Variants in ZFHX3 observed in about 807,000 individuals in gnomAD.
ZFHX3 encodes the protein zinc finger homeobox 3, also known as zinc finger homeobox protein 3.
Under a neutral mutation model 279.1 loss-of-function variants are expected in ZFHX3, and 42 were observed. The ratio of observed to expected loss-of-function variants is 0.15; its 90% CI spans 0.12 to 0.19. ZFHX3 has a LOEUF of 0.19. Ranked by LOEUF, ZFHX3 falls within the 10% of genes least tolerant of loss-of-function variation. ZFHX3 has a pLI of 1.00. For missense variants in ZFHX3, 4,981 were observed against 4,754.0 expected (o/e 1.05, Z -1.40); for synonymous variants, 2,293 against 1,957.8 (o/e 1.17, Z -4.52).
At chr16:73,808,956 A>G (rs1960356084) in intron 1 of ZFHX3, among the ~76,000 whole-genome samples, 1 of 152,192 alleles carries the variant, frequency 6.6e-6, no homozygotes, top group African/African-American at 2.4e-5. Flanking sequence ...AGCATTGATA[A>G]CAGTTGATTA....
At chr16:73,575,037 G>A (rs1245882785) in intron 2 of ZFHX3, among the ~76,000 whole-genome samples, 2 of 152,122 alleles carry the variant, frequency 1.3e-5, no homozygotes, top group Admixed American at 6.5e-5. Flanking sequence ...TCCTCATGCC[G>A]TTTTGTGTGT....
upstream of ZFHX3, chr16:73,061,715 T>C (rs1212360480): frequency 6.6e-6 from 1 of 151,792 alleles, no homozygotes; most frequent in African/African-American, 2.4e-5. Context: ...CATAAAGCTG[T>C]TTATTTTTTT....
chr16:73,152,797 G>T (rs1374725463), intron 5 of ZFHX3, among the ~76,000 whole-genome samples: 2 of 150,394 alleles, frequency 1.3e-5, no homozygotes, highest in African/African-American at 2.4e-5. Flanking sequence ...GGGCTACCGG[G>T]GTGAGGAGGG....
chr16:73,847,187 G>A (rs1961471709), intron 1 of ZFHX3, among the ~76,000 whole-genome samples: 1 of 152,150 alleles, frequency 6.6e-6, no homozygotes, highest in South Asian at 2.1e-4. Flanking sequence ...TGCAATCGCA[G>A]CTACTCAGGA....
intron 2 of ZFHX3, among the ~76,000 whole-genome samples, chr16:73,531,735 A>G (rs2019807301): frequency 2.0e-5 from 3 of 150,584 alleles, no homozygotes; most frequent in South Asian, 4.2e-4. Context: ...AAAAAAAAAA[A>G]AAGAATATTT....
intron 1 of ZFHX3, among the ~76,000 whole-genome samples, chr16:73,716,638 C>T (rs2053417549): frequency 7.7e-6 from 1 of 130,708 alleles, no homozygotes; most frequent in Admixed American, 7.5e-5. Flanking sequence ...CACACACACA[C>T]ACACACACAC....
chr16:72,906,151 C>T (rs1402027494), intron 3 of ZFHX3, among the ~76,000 whole-genome samples: 2 of 151,852 alleles, frequency 1.3e-5, no homozygotes, highest in African/African-American at 2.4e-5. Flanking sequence ...CCAAAGATGC[C>T]GCCTCCTGGT....
intron 1 of ZFHX3, among the ~76,000 whole-genome samples, chr16:73,798,794 C>A (rs935962681): frequency 3.3e-5 from 5 of 152,200 alleles, no homozygotes; most frequent in Non-Finnish European, 5.9e-5. Flanking sequence ...TGTACAGAAA[C>A]ACCATGAAGG....
intron 1 of ZFHX3, among the ~76,000 whole-genome samples, chr16:73,026,689 A>AAAAAAAAAAAAAC (rs1555543115): frequency 2.0e-5 from 3 of 150,832 alleles, no homozygotes; most frequent in African/African-American, 7.4e-5. Context: ...AAAAAAAAAA[A>AAAAAAAAAAAAAC]AAAAAACACA....
intron 2 of ZFHX3, chr16:73,499,774 T>A (rs973445934): frequency 3.3e-5 from 5 of 152,198 alleles, no homozygotes; most frequent in Admixed American, 2.0e-4. Flanking sequence ...AATATAGTCA[T>A]GTGCCACATG....
intron 1 of ZFHX3, among the ~76,000 whole-genome samples, chr16:73,837,001 A>G (rs145488439): frequency 5.0e-4 from 76 of 152,340 alleles, no homozygotes; most frequent in African/African-American, 1.7e-3. Context: ...GCAGATGCTG[A>G]TGCCATGGTT....
intron 1 of ZFHX3, among the ~76,000 whole-genome samples, chr16:73,053,582 G>A (rs1965489148): frequency 1.3e-5 from 2 of 152,116 alleles, no homozygotes; most frequent in Admixed American, 1.3e-4. Context: ...AGGAAGCTGA[G>A]ATGAATCACT....
At chr16:73,052,005 G>A (rs893155411), upstream of ZFHX3, among the ~76,000 whole-genome samples, 1 of 152,230 alleles carries the variant, frequency 6.6e-6, no homozygotes, top group East Asian at 1.9e-4. Context: ...GGAGAGAGAG[G>A]CGCTTTGTTT....
chr16:73,355,339 T>C (rs1227506674), intron 3 of ZFHX3, among the ~76,000 whole-genome samples: 1 of 152,220 alleles, frequency 6.6e-6, no homozygotes, highest in Non-Finnish European at 1.5e-5. Flanking sequence ...GAAACCTGGC[T>C]TAAAAAATTC....
chr16:73,219,973 C>T (rs984264341), intron 5 of ZFHX3, among the ~76,000 whole-genome samples: 1 of 152,206 alleles, frequency 6.6e-6, no homozygotes, highest in Admixed American at 6.5e-5. Flanking sequence ...GTAATCCTGG[C>T]TACTCGGGAG....
At chr16:73,155,532 A>G (rs746121446) in intron 5 of ZFHX3, among the ~76,000 whole-genome samples, 2 of 152,156 alleles carry the variant, frequency 1.3e-5, no homozygotes, top group Non-Finnish European at 2.9e-5. Context: ...ATATAATAAT[A>G]TATATGAAGC....
Position 72,979,213 on chromosome 16 carries a change from C to A in ZFHX3, c.-49-19019G>T, listed in dbSNP as rs368304219. Among the ~76,000 whole-genome samples the A allele has an allele frequency of 2.6e-5, 4 of 152,246 alleles. No individual in the cohort carries two copies. The East Asian group carries it at 5.8e-4, about 22-fold the overall frequency. ...CATCATCCTCAGCACCCAACAACAG[C>A]GCTCCTGTGTCCAAGGCTGGAACCA... On this transcript the variant is annotated intron_variant, in intron 1 of 9. Coordinates refer to ENST00000268489, the MANE Select transcript of ZFHX3 (RefSeq NM_006885.4).
At chr16:72,909,685 T>A (rs1435865391) in intron 3 of ZFHX3, among the ~76,000 whole-genome samples, 1 of 152,006 alleles carries the variant, frequency 6.6e-6, no homozygotes, top group Non-Finnish European at 1.5e-5. Flanking sequence ...GAGACCAGCC[T>A]GGGCAACGTG....
At position 72,785,659 on chromosome 16, in the gene ZFHX3, AAAAAC is replaced by A. The variant is rs975558825; in HGVS notation, c.*1500_*1504del. ...ATTTTTTTTTCTGAGAGAGGAAAGAAAAAACAAACACAAAACCAAAAACCAAATCC... is the reference window on the plus strand; with the variant it reads ...ATTTTTTTTTCTGAGAGAGGAAAGAAAAACACAAAACCAAAAACCAAATCC... On this transcript the variant is annotated 3_prime_UTR_variant, in exon 10 of 10. Coordinates refer to ENST00000268489, the MANE Select transcript of ZFHX3 (RefSeq NM_006885.4). 6.6e-6 allele frequency: 1 copy of A among 152,374 alleles called. No individual in the cohort carries two copies. The highest frequency in any genetic ancestry group is 2.1e-4 in the South Asian group (1 of 4,822). 9.4% of individuals were successfully genotyped at this position (152,374 alleles called of 1,614,324 possible). A position where few individuals can be genotyped will look rare whatever the true frequency, so the allele number is the denominator to read the frequency against.
Sources: gnomAD v4.1 joint callset for allele counts (sites outside exome capture counted in the v4.1 genomes callset) on GRCh38, gnomAD v4.1.1 for gene constraint, MANE v1.5 for transcripts, NCBI Gene and HGNC (gene_info 2026-07-23, HGNC 2026-07-21) for gene names.